The following CCDC127 variants were observed in gnomAD, a reference collection of about 807,000 sequenced individuals.
The protein encoded by CCDC127 is coiled-coil domain-containing protein 127.
CCDC127 carries 2 observed loss-of-function variants against 4.1 expected under a neutral mutation model. The ratio of observed to expected loss-of-function variants is 0.49; its 90% CI spans 0.20 to 1.53. CCDC127 has a LOEUF of 1.53. CCDC127 is among the 40% of genes most tolerant of loss of function. The probability of loss-of-function intolerance (pLI) is 0.23; values close to 1 mark genes in which losing one functional copy is unlikely to be tolerated. For synonymous variants in CCDC127, 98 were observed against 120.4 expected (o/e 0.81, Z 1.22); for missense variants, 271 against 322.9 (o/e 0.84, Z 1.23).
At chr5:214,596 G>A (rs1734342788) in intron 2 of CCDC127, 1 of 152,154 alleles carries the variant, frequency 6.6e-6, no homozygotes, top group African/African-American at 2.4e-5. Context: ...GACAGAGGAG[G>A]TGTGAAGAGA....
Position 205,061 on chromosome 5 carries a change from TA to T in CCDC127, c.*235del. The T allele has an allele frequency of 2.0e-6, 1 of 502,008 alleles. No homozygotes were observed. Among genetic ancestry groups the T allele is most frequent in the Non-Finnish European group, 3.5e-6 (1 of 284,846 alleles). 31.1% of individuals were successfully genotyped at this position (502,008 alleles called of 1,614,324 possible). On this transcript the variant is annotated 3_prime_UTR_variant, in exon 3 of 3. Coordinates refer to ENST00000296824, the MANE Select transcript of CCDC127 (RefSeq NM_145265.3). Reference sequence around the variant, plus strand: ...TCTGCTTAATACAATACTGGCAGCCTAAAAATGCTTCAAGAAACCATATCCC... The same window carrying T: ...TCTGCTTAATACAATACTGGCAGCCTAAAATGCTTCAAGAAACCATATCCC...
intron 2 of CCDC127, among the ~76,000 whole-genome samples, chr5:207,149 T>C (rs986904177): frequency 2.0e-5 from 3 of 152,230 alleles, no homozygotes; most frequent in Non-Finnish European, 2.9e-5. Context: ...TCCCGGGTCA[T>C]GAATGACCTT....
chr5:208,808 C>A (rs774377458), intron 2 of CCDC127, among the ~76,000 whole-genome samples: 2 of 152,220 alleles, frequency 1.3e-5, no homozygotes, highest in African/African-American at 2.4e-5. Flanking sequence ...TAAATAAAAA[C>A]CAGTGTTTCA....
intron 2 of CCDC127, chr5:216,222 TG>T: frequency 6.1e-6 from 1 of 163,476 alleles, no homozygotes; most frequent in Non-Finnish European, 1.3e-5. Context: ...TGCTAATTTT[TG>T]TATTTTTTTG....
Position 218,075 on chromosome 5 carries a change from G to T in CCDC127, c.-11+18C>A, listed in dbSNP as rs544082807. ...AATGTTGGTGCCCACCACCTCCCCG[G>T]AACAGGGCCCGCTCTACCTCGGTCG... On this transcript the variant is annotated intron_variant, in intron 1 of 2. Coordinates refer to ENST00000296824, the MANE Select transcript of CCDC127 (RefSeq NM_145265.3). The T allele has an allele frequency of 8.6e-7, 1 of 1,165,208 alleles. No individual in the cohort carries two copies. Among genetic ancestry groups the T allele is most frequent in the Non-Finnish European group, 1.1e-6 (1 of 943,414 alleles). The allele number at this position is 1,165,208 out of a possible 1,614,324, so 72.2% of individuals were successfully genotyped here. A position where few individuals can be genotyped will look rare whatever the true frequency, so the allele number is the denominator to read the frequency against.
rs201675704 is a variant in CCDC127 at position 205,533 on chromosome 5, G to A, written c.547C>T (p.Arg183Trp). ...AGTAAGCTCTTCTCTATCTCCAGCC[G>A]CTTGCTGCGAGGAAGAAACAGACTG... ...YCSLFLPRSK[R>W]LEIEKSLLVR... Residue 183 changes from arginine to tryptophan, a missense_variant, in exon 3 of 3, where the codon CGG (arginine) becomes TGG (tryptophan). Arg to Trp is a moderately radical substitution (Grantham distance 101). Around this residue, in one of 2 missense-constraint regions of CCDC127, gnomAD observed 265 missense variants for 270.9 expected, o/e 0.98. Coordinates refer to ENST00000296824, the MANE Select transcript of CCDC127 (RefSeq NM_145265.3). 3.8e-5 allele frequency: 62 copies of A among 1,613,964 alleles called. No individual in the cohort carries two copies. Among genetic ancestry groups the A allele is most frequent in the Middle Eastern group, 1.7e-4 (1 of 6,060 alleles).
chr5:214,454 C>G (rs1484574172), intron 2 of CCDC127: 1 of 152,124 alleles, frequency 6.6e-6, no homozygotes, highest in Non-Finnish European at 1.5e-5. Flanking sequence ...ACTATGTTTT[C>G]TGGGTCAGGG....
In CCDC127 at chr5:197,615, A is replaced by G. The variant is rs1051399299; in HGVS notation, c.*7682T>C. 6 of 152,442 alleles carry G rather than the reference A, an allele frequency of 3.9e-5. No individual in the cohort carries two copies. Among genetic ancestry groups the G allele is most frequent in the Admixed American group, 6.5e-5 (1 of 15,294 alleles). 9.4% of individuals were successfully genotyped at this position (152,442 alleles called of 1,614,324 possible). On this transcript the variant is annotated 3_prime_UTR_variant, in exon 3 of 3. Coordinates refer to ENST00000296824, the MANE Select transcript of CCDC127 (RefSeq NM_145265.3). ...CTTAAACCTTGATTTCATACAACACATGTTTTTGTGAGCTCCAGGTTGGGG... is the reference window on the plus strand; with the variant it reads ...CTTAAACCTTGATTTCATACAACACGTGTTTTTGTGAGCTCCAGGTTGGGG...
Position 196,932 on chromosome 5 carries a change from C to T in CCDC127, c.*8365G>A, listed in dbSNP as rs565239179. ...GCATACCAAGGACCTGCACTGGCAC[C>T]GGCCTCTGAGTTCCCTCAGTTTTTA... On this transcript the variant is annotated 3_prime_UTR_variant, in exon 3 of 3. Coordinates refer to ENST00000296824, the MANE Select transcript of CCDC127 (RefSeq NM_145265.3). The T allele has an allele frequency of 1.7e-4, 21 of 122,804 alleles. No homozygotes were observed. Among genetic ancestry groups the T allele is most frequent in the Middle Eastern group, 3.7e-3 (1 of 268 alleles). 7.6% of individuals were successfully genotyped at this position (122,804 alleles called of 1,614,324 possible). A position where few individuals can be genotyped will look rare whatever the true frequency, so the allele number is the denominator to read the frequency against.
intron 2 of CCDC127, chr5:215,716 C>A (rs1211514406): frequency 1.3e-5 from 2 of 152,066 alleles, no homozygotes; most frequent in African/African-American, 2.4e-5. Flanking sequence ...AAACTTCTGA[C>A]CTGAGACATG....
In CCDC127 at chr5:196,965, T is replaced by C. The variant is rs991053336; in HGVS notation, c.*8332A>G. 2 of 150,782 alleles carry C rather than the reference T, an allele frequency of 1.3e-5. No individual in the cohort carries two copies. Among genetic ancestry groups the C allele is most frequent in the African/African-American group, 2.4e-5 (1 of 41,012 alleles). 9.3% of individuals were successfully genotyped at this position (150,782 alleles called of 1,614,324 possible). On this transcript the variant is annotated 3_prime_UTR_variant, in exon 3 of 3. Coordinates refer to ENST00000296824, the MANE Select transcript of CCDC127 (RefSeq NM_145265.3). The stretch of plus-strand genomic sequence containing the variant: ...GAGTTCCCTCAGTTTTTATTATTAT[T>C]TTCATTATTTCAGCAAAAAGGAATG...
rs1163220777 is a variant in CCDC127, at chr5:202,154, A to C, written c.*3143T>G. On this transcript the variant is annotated 3_prime_UTR_variant, in exon 3 of 3. Transcript: ENST00000296824. ...TTTCGGTACATGTGTGGAGTTACCA[A>C]ATGGCACAGCACCGTGTAACTATTC... The C allele has an allele frequency of 6.6e-6, 1 of 152,276 alleles. No homozygotes were observed. Among genetic ancestry groups the C allele is most frequent in the Non-Finnish European group, 1.5e-5 (1 of 68,056 alleles). The allele number at this position is 152,276 out of a possible 1,614,324, so 9.4% of individuals were successfully genotyped here.
At chr5:209,696 C>T (rs1305775021) in intron 2 of CCDC127, among the ~76,000 whole-genome samples, 2 of 152,138 alleles carry the variant, frequency 1.3e-5, no homozygotes, top group African/African-American at 4.8e-5. Flanking sequence ...AGGACTCCCC[C>T]ACAAACACAG....
rs1370527195 is a variant in CCDC127, at chr5:196,957, A to ATTGATTATTAT, written c.*8339_*8340insATAATAATCAA. Reference sequence around the variant, plus strand: ...CGGCCTCTGAGTTCCCTCAGTTTTTATTATTATTTTCATTATTTCAGCAAA... The same window carrying ATTGATTATTAT: ...CGGCCTCTGAGTTCCCTCAGTTTTTATTGATTATTATTTATTATTTTCATTATTTCAGCAAA... On this transcript the variant is annotated 3_prime_UTR_variant, in exon 3 of 3. Transcript: ENST00000296824. The ATTGATTATTAT allele has an allele frequency of 1.0e-4, 1 of 9,568 alleles. No individual in the cohort carries two copies. Among genetic ancestry groups the ATTGATTATTAT allele is most frequent in the Non-Finnish European group, 6.7e-4 (1 of 1,490 alleles). 0.6% of individuals were successfully genotyped at this position (9,568 alleles called of 1,614,324 possible). A position where few individuals can be genotyped will look rare whatever the true frequency, so the allele number is the denominator to read the frequency against.
Position 206,026 on chromosome 5 carries a change from A to C in CCDC127, c.122-68T>G. On this transcript the variant is annotated intron_variant, in intron 2 of 2. Coordinates refer to ENST00000296824, the MANE Select transcript of CCDC127 (RefSeq NM_145265.3). ...GCTGAAGTTCTATAATCCTCACTTA[A>C]ATCATAAGGCAGCTAAGGATAGTGT... The C allele has an allele frequency of 3.6e-6, 5 of 1,374,250 alleles. No individual in the cohort carries two copies. In the South Asian group the frequency reaches 5.4e-5, roughly 15 times the overall value. The allele number at this position is 1,374,250 out of a possible 1,614,324, so 85.1% of individuals were successfully genotyped here. A position where few individuals can be genotyped will look rare whatever the true frequency, so the allele number is the denominator to read the frequency against.
Position 205,205 on chromosome 5 carries a change from G to T in CCDC127, c.*92C>A. ...AAGGGTGACGGTGTGGCCATGACAC[G>T]GGCAGCACGGGAACGGAAGACGCCG... is the stretch of plus-strand genomic sequence containing the variant. On this transcript the variant is annotated 3_prime_UTR_variant, in exon 3 of 3. Coordinates refer to ENST00000296824, the MANE Select transcript of CCDC127 (RefSeq NM_145265.3). The T allele has an allele frequency of 8.4e-7, 1 of 1,185,036 alleles. No individual in the cohort carries two copies. The highest frequency in any genetic ancestry group is 1.2e-6 in the Non-Finnish European group (1 of 832,538). 73.4% of individuals were successfully genotyped at this position (1,185,036 alleles called of 1,614,324 possible). A position where few individuals can be genotyped will look rare whatever the true frequency, so the allele number is the denominator to read the frequency against.
At chr5:208,621 C>T (rs1322048950) in intron 2 of CCDC127, among the ~76,000 whole-genome samples, 1 of 152,120 alleles carries the variant, frequency 6.6e-6, no homozygotes, top group African/African-American at 2.4e-5. Context: ...GCCTTCCCAG[C>T]CGGGGGGCAC....
intron 2 of CCDC127, among the ~76,000 whole-genome samples, chr5:206,959 G>T (rs1022561144): frequency 6.6e-6 from 1 of 151,992 alleles, no homozygotes; most frequent in African/African-American, 2.4e-5. Flanking sequence ...CTAACTGTGG[G>T]ACTCCCTCGT....
At chr5:211,766 T>C (rs375322033) in intron 2 of CCDC127, among the ~76,000 whole-genome samples, 15 of 3,068 alleles carry the variant, frequency 4.9e-3, no homozygotes, top group South Asian at 0.031. Context: ...GCAGCCACGA[T>C]GAGACAGCAC....
Sources: allele counts gnomAD v4.1 joint callset (sites outside exome capture counted in the v4.1 genomes callset), GRCh38; gene constraint gnomAD v4.1.1; regional missense constraint gnomAD v4.1.1; transcripts MANE v1.5; gene names NCBI Gene and HGNC (gene_info 2026-07-23, HGNC 2026-07-21).